PDE4D: variants seen among roughly 807,000 people sequenced by gnomAD.
PDE4D encodes phosphodiesterase 4D, also known as 3',5'-cyclic-AMP phosphodiesterase 4D.
Under a neutral mutation model 87.4 loss-of-function variants are expected in PDE4D, and 24 were observed. That is an observed-to-expected ratio of 0.27 (90% CI 0.20 to 0.39). The LOEUF is 0.39. Ranked by LOEUF, PDE4D falls within the 10% of genes least tolerant of loss-of-function variation. PDE4D has a pLI of 1.00. For synonymous variants in PDE4D, 384 were observed against 383.2 expected (o/e 1.00, Z -0.02); for missense variants, 714 against 1,041.0 (o/e 0.69, Z 4.32).
intron 3 of PDE4D, among the ~76,000 whole-genome samples, chr5:59,979,093 G>A (rs1372229320): frequency 6.6e-6 from 1 of 152,022 alleles, no homozygotes; most frequent in Non-Finnish European, 1.5e-5. Context: ...GCCTGGATCT[G>A]AACCCACAAT....
At chr5:59,974,249 T>A (rs747158638) in intron 3 of PDE4D, among the ~76,000 whole-genome samples, 1 of 152,198 alleles carries the variant, frequency 6.6e-6, no homozygotes, top group African/African-American at 2.4e-5. Context: ...AAAGCAATAG[T>A]GTTTAATTCA....
At chr5:59,504,791 T>A (rs1808924468) in intron 1 of PDE4D, among the ~76,000 whole-genome samples, 1 of 152,090 alleles carries the variant, frequency 6.6e-6, no homozygotes, top group African/African-American at 2.4e-5. Context: ...ATTTTCCCCC[T>A]GCTCTCTCAA....
intron 1 of PDE4D, among the ~76,000 whole-genome samples, chr5:60,313,914 G>A (rs12109626): frequency 0.088 from 13,390 of 152,026 alleles, 1,943 homozygotes; most frequent in African/African-American, 0.31. Context: ...AAAACCTTCA[G>A]CAAACTAGGC....
chr5:59,981,250 T>C (rs1761905172), intron 3 of PDE4D, among the ~76,000 whole-genome samples: 1 of 151,388 alleles, frequency 6.6e-6, no homozygotes, highest in Admixed American at 6.6e-5. Flanking sequence ...AGACTCCGTT[T>C]CAAAAACAAA....
chr5:59,792,458 G>C (rs1248460646), intron 1 of PDE4D, among the ~76,000 whole-genome samples: 2 of 136,550 alleles, frequency 1.5e-5, no homozygotes, highest in Non-Finnish European at 3.1e-5. Context: ...AGTGGGCATG[G>C]AGTGAAGGAG....
At chr5:59,897,331 T>C (rs1751761642), upstream of PDE4D, among the ~76,000 whole-genome samples, 1 of 152,156 alleles carries the variant, frequency 6.6e-6, no homozygotes, top group African/African-American at 2.4e-5. Context: ...CTGGCAGAAG[T>C]GATGTCAATT....
chr5:59,974,109 G>A (rs192806063), intron 3 of PDE4D, among the ~76,000 whole-genome samples: 7 of 152,180 alleles, frequency 4.6e-5, no homozygotes, highest in Admixed American at 1.3e-4. Flanking sequence ...GTTTACAGAC[G>A]AATGTTTTCT....
chr5:59,019,825 C>T (rs1198773709), intron 6 of PDE4D, among the ~76,000 whole-genome samples: 1 of 152,166 alleles, frequency 6.6e-6, no homozygotes, highest in African/African-American at 2.4e-5. Context: ...AACAGGCTTA[C>T]ATTATATGGC....
chr5:59,532,366 G>T (rs1814393443), intron 1 of PDE4D, among the ~76,000 whole-genome samples: 1 of 152,118 alleles, frequency 6.6e-6, no homozygotes, highest in African/African-American at 2.4e-5. Flanking sequence ...TTGAACTCCT[G>T]ACCTCAGGGG....
Position 59,044,586 on chromosome 5 carries a change from AT to A in PDE4D, c.809-5616del, listed in dbSNP as rs538876065. On this transcript the variant is annotated intron_variant, in intron 5 of 14. Coordinates refer to ENST00000340635, the MANE Select transcript of PDE4D (RefSeq NM_001104631.2). ...GTTAGGTCTAACTTTTGCTGACTTA[AT>A]TTTTTTTCCTCTATACATTTTATCT... is the stretch of plus-strand genomic sequence containing the variant. Among the ~76,000 whole-genome samples, 231 of 152,070 alleles carry A rather than the reference AT, an allele frequency of 1.5e-3. 2 individuals are homozygous for A. The highest frequency in any genetic ancestry group is 2.4e-3 in the Non-Finnish European group (164 of 67,986).
At chr5:59,742,054 A>T (rs568749642) in intron 1 of PDE4D, among the ~76,000 whole-genome samples, 33 of 151,856 alleles carry the variant, frequency 2.2e-4, no homozygotes, top group South Asian at 1.9e-3. Flanking sequence ...CATCATCATC[A>T]TCTTCTTTTG....
At chr5:59,471,379 T>G (rs933852274) in intron 1 of PDE4D, among the ~76,000 whole-genome samples, 3 of 152,246 alleles carry the variant, frequency 2.0e-5, no homozygotes, top group Admixed American at 6.5e-5. Context: ...ATGAGAAGAC[T>G]GTGAAGATTA....
At chr5:59,928,910 C>T (rs1291678394) in intron 3 of PDE4D, among the ~76,000 whole-genome samples, 3 of 149,554 alleles carry the variant, frequency 2.0e-5, no homozygotes, top group Admixed American at 6.7e-5. Context: ...TATATTAGAT[C>T]ATATATATAT....
chr5:59,835,490 G>A (rs1010347285), intron 1 of PDE4D, among the ~76,000 whole-genome samples: 2 of 151,926 alleles, frequency 1.3e-5, no homozygotes, highest in African/African-American at 4.8e-5. Flanking sequence ...ACTGGGCTAT[G>A]GCCCAGTCAT....
intron 6 of PDE4D, among the ~76,000 whole-genome samples, chr5:59,008,671 G>C (rs545412883): frequency 6.6e-6 from 1 of 152,078 alleles, no homozygotes; most frequent in South Asian, 2.1e-4. Flanking sequence ...TTGTGATCTT[G>C]CGTTAGGCAA....
chr5:59,155,819 G>T (rs557721685), intron 5 of PDE4D, among the ~76,000 whole-genome samples: 1 of 152,252 alleles, frequency 6.6e-6, no homozygotes, highest in South Asian at 2.1e-4. Flanking sequence ...CAGAAGGGAG[G>T]AAGGGATTAT....
intron 1 of PDE4D, among the ~76,000 whole-genome samples, chr5:59,872,340 C>A (rs1430933561): frequency 6.6e-6 from 1 of 151,828 alleles, no homozygotes; most frequent in Admixed American, 6.6e-5. Context: ...TCTTTCCTTG[C>A]AGGAAATTAT....
intron 1 of PDE4D, among the ~76,000 whole-genome samples, chr5:59,467,753 A>C (rs1005999481): frequency 2.0e-5 from 3 of 152,236 alleles, no homozygotes; most frequent in African/African-American, 7.2e-5. Flanking sequence ...TTGTACATGG[A>C]AAATGAGAAA....
chr5:59,985,360 C>A (rs983813205), intron 3 of PDE4D, among the ~76,000 whole-genome samples: 1 of 151,766 alleles, frequency 6.6e-6, no homozygotes, highest in Non-Finnish European at 1.5e-5. Context: ...CCAGGATGGT[C>A]TTGATCTCCT....
Sources: gnomAD v4.1 joint callset for allele counts (sites outside exome capture counted in the v4.1 genomes callset) on GRCh38, gnomAD v4.1.1 for gene constraint, MANE v1.5 for transcripts, NCBI Gene and HGNC (gene_info 2026-07-23, HGNC 2026-07-21) for gene names.